The following UGGT2 variants were observed in gnomAD, a reference collection of about 807,000 sequenced individuals.
UGGT2 encodes the protein UDP-glucose glycoprotein glucosyltransferase 2, also known as UDP-glucose:glycoprotein glucosyltransferase 2.
UGGT2 carries 180 observed loss-of-function variants against 192.1 expected under a neutral mutation model. The ratio of observed to expected loss-of-function variants is 0.94; its 90% confidence interval spans 0.83 to 1.06. The LOEUF (loss-of-function observed/expected upper bound fraction) is 1.06. UGGT2 is among the 50% of genes least tolerant of loss of function. The probability of loss-of-function intolerance (pLI) is 0.00; values close to 1 mark genes in which losing one functional copy is unlikely to be tolerated. For missense variants in UGGT2, 1,849 were observed against 1,795.7 expected, an observed-to-expected ratio of 1.03 and a Z score of -0.54; for synonymous variants, 580 against 591.0, an observed-to-expected ratio of 0.98 and a Z score of 0.27.
At chr13:95,960,258 T>G (rs1029564684) in intron 12 of UGGT2, among the ~76,000 whole-genome samples, 1 of 152,198 alleles carries the variant, frequency 6.6e-6, no homozygotes, top group Non-Finnish European at 1.5e-5. Context: ...AAGACATTTA[T>G]GAAATCCCAG....
intron 38 of UGGT2, among the ~76,000 whole-genome samples, chr13:95,807,716 CT>C: frequency 0.068 from 5,376 of 78,626 alleles, 287 homozygotes; most frequent in East Asian, 0.22. Flanking sequence ...CAGCCCTCAC[CT>C]TTTTTTTTTT....
chr13:95,882,067 C>G (rs1481747021), intron 27 of UGGT2, among the ~76,000 whole-genome samples: 1 of 152,088 alleles, frequency 6.6e-6, no homozygotes. Flanking sequence ...TGTCACCATG[C>G]CCGGCTAATT....
chr13:96,029,230 A>G (rs1414947088), intron 2 of UGGT2, among the ~76,000 whole-genome samples: 1 of 152,190 alleles, frequency 6.6e-6, no homozygotes, highest in Non-Finnish European at 1.5e-5. Flanking sequence ...ATATCACCAC[A>G]TGCATTAGAC....
chr13:95,944,727 T>A (rs2049807097), intron 15 of UGGT2, among the ~76,000 whole-genome samples: 1 of 152,046 alleles, frequency 6.6e-6, no homozygotes, highest in South Asian at 2.1e-4. Flanking sequence ...TTTTAACTCC[T>A]TTTCTAACTA....
chr13:96,008,731 T>C (rs1338079002), intron 5 of UGGT2, among the ~76,000 whole-genome samples: 3 of 152,070 alleles, frequency 2.0e-5, no homozygotes, highest in African/African-American at 4.8e-5. Context: ...AAATAAGAGA[T>C]GACACAAACA....
At chr13:95,847,683 C>T (rs1459904472) in intron 36 of UGGT2, among the ~76,000 whole-genome samples, 2 of 152,156 alleles carry the variant, frequency 1.3e-5, no homozygotes, top group Admixed American at 6.5e-5. Context: ...TGGATGTACC[C>T]GTTTCTTTAC....
chr13:95,804,443 T>C (rs879291242), intron 38 of UGGT2, among the ~76,000 whole-genome samples: 13 of 152,164 alleles, frequency 8.5e-5, no homozygotes, highest in Admixed American at 3.9e-4. Context: ...ATGCTTTTTA[T>C]AGAAACAGGA....
chr13:95,970,654 A>AGAATTAATTAATG (rs1421670392), intron 11 of UGGT2, among the ~76,000 whole-genome samples: 4 of 152,184 alleles, frequency 2.6e-5, no homozygotes, highest in South Asian at 2.1e-4. Flanking sequence ...ATTCTAATAC[A>AGAATTAATTAATG]GAGGAAGCTC....
chr13:95,844,176 G>A (rs1888151430), intron 36 of UGGT2, among the ~76,000 whole-genome samples: 1 of 152,002 alleles, frequency 6.6e-6, no homozygotes, highest in African/African-American at 2.4e-5. Flanking sequence ...TGGCCAGGCT[G>A]GTCTTCAACT....
At chr13:95,860,227 T>C (rs184992155) in intron 32 of UGGT2, among the ~76,000 whole-genome samples, 149 of 151,728 alleles carry the variant, frequency 9.8e-4, no homozygotes, top group African/African-American at 3.4e-3. Context: ...CTTTGCAATA[T>C]GCATTTCTCC....
intron 10 of UGGT2, among the ~76,000 whole-genome samples, chr13:95,975,788 A>G (rs541089269): frequency 6.6e-6 from 1 of 152,018 alleles, no homozygotes; most frequent in South Asian, 2.1e-4. Flanking sequence ...AATGATACAC[A>G]CTCTGAAATT....
Position 95,970,252 on chromosome 13 carries a change from T to C in UGGT2, c.1195A>G (p.Met399Val), listed in dbSNP as rs767036301. ...ATCATTTTTCCTTCTAATTTCAGCA[T>C]ATCCAAAATACTATATATTCAAAGA... ...DVYDAFSILD[M>V]LKLEGKMMNG... The change falls in exon 12 of 39, where the codon ATG (methionine) becomes GTG (valine). Residue 399 changes from methionine (M) to valine (V), a missense_variant. Transcript: ENST00000376747. 1.2e-6 allele frequency: 2 copies of C among 1,610,844 alleles called. No individual in the cohort carries two copies. Among genetic ancestry groups the C allele is most frequent in the Non-Finnish European group, 1.7e-6 (2 of 1,178,218 alleles).
chr13:95,815,672 CTT>C (rs1211210289), intron 38 of UGGT2, among the ~76,000 whole-genome samples: 1 of 152,104 alleles, frequency 6.6e-6, no homozygotes, highest in African/African-American at 2.4e-5. Flanking sequence ...TCTCAGTGGG[CTT>C]TTTTGTTTTC....
At chr13:96,034,090 A>C (rs2052924869) in intron 1 of UGGT2, among the ~76,000 whole-genome samples, 1 of 152,094 alleles carries the variant, frequency 6.6e-6, no homozygotes, top group Admixed American at 6.5e-5. Context: ...CCCCCCTCTG[A>C]AGCCCATAAA....
chr13:95,964,003 G>A (rs1484341498), intron 12 of UGGT2, among the ~76,000 whole-genome samples: 1 of 151,868 alleles, frequency 6.6e-6, no homozygotes, highest in Non-Finnish European at 1.5e-5. Context: ...CCTAAAATTC[G>A]TATGGAACCA....
chr13:95,909,259 C>A (rs571891871), intron 20 of UGGT2, among the ~76,000 whole-genome samples: 1 of 152,190 alleles, frequency 6.6e-6, no homozygotes, highest in East Asian at 1.9e-4. Flanking sequence ...TGGGTATATA[C>A]CCAAAGGACT....
chr13:96,016,050 G>A (rs946278999), intron 4 of UGGT2, among the ~76,000 whole-genome samples: 10 of 152,206 alleles, frequency 6.6e-5, no homozygotes. Flanking sequence ...ACTTAAGAGG[G>A]ATGACTTAAG....
At chr13:95,904,450 C>T (rs1451199722) in intron 20 of UGGT2, among the ~76,000 whole-genome samples, 2 of 127,464 alleles carry the variant, frequency 1.6e-5, no homozygotes, top group Non-Finnish European at 3.3e-5. Flanking sequence ...CCCCCTCCCC[C>T]CCACCCCACA....
chr13:95,813,653 A>G (rs957493106), intron 38 of UGGT2, among the ~76,000 whole-genome samples: 4 of 152,208 alleles, frequency 2.6e-5, no homozygotes, highest in Non-Finnish European at 5.9e-5. Context: ...CTGTGGAGCA[A>G]CCACTTGCTA....
Sources: allele counts gnomAD v4.1 joint callset (sites outside exome capture counted in the v4.1 genomes callset), GRCh38; gene constraint gnomAD v4.1.1; transcripts MANE v1.5; gene names NCBI Gene and HGNC (gene_info 2026-07-23, HGNC 2026-07-21).